Variants in RGS7 observed in about 807,000 individuals in gnomAD.
RGS7 encodes the protein regulator of G-protein signaling 7.
RGS7 carries 27 observed loss-of-function variants against 81.1 expected under a neutral mutation model. That is an observed-to-expected ratio of 0.33 (90% CI 0.25 to 0.46). The LOEUF is 0.46. Ranked by LOEUF, RGS7 falls within the 20% of genes least tolerant of loss-of-function variation. The probability of loss-of-function intolerance (pLI) is 1.00; values close to 1 mark genes in which losing one functional copy is unlikely to be tolerated. For missense variants in RGS7, 396 were observed against 607.4 expected (o/e 0.65, Z 3.66); for synonymous variants, 208 against 207.7 (o/e 1.00, Z -0.01).
rs548373635 is a variant in RGS7, at chr1:241,336,868, T to C, written c.78+18831A>G. 2.0e-5 allele frequency among the ~76,000 whole-genome samples: 3 copies of C among 152,314 alleles called. No homozygotes were observed. In the South Asian group the frequency reaches 6.2e-4, roughly 32 times the overall value. On this transcript the variant is annotated intron_variant, in intron 2 of 18. Coordinates refer to ENST00000440928, the MANE Select transcript of RGS7 (RefSeq NM_001364886.1). ...TTCCTGGCACCTTCATATGTGAAGA[T>C]AAAGAGGCTCAGAGAGTTTAAAAGA... is the stretch of plus-strand genomic sequence containing the variant.
intron 14 of RGS7, among the ~76,000 whole-genome samples, chr1:240,809,679 G>C (rs987207783): frequency 2.0e-5 from 3 of 152,140 alleles, no homozygotes; most frequent in African/African-American, 7.2e-5. Context: ...GATGTGTGAT[G>C]ATCAGAAATA....
At chr1:241,053,603 G>T (rs1055290812) in intron 3 of RGS7, among the ~76,000 whole-genome samples, 1 of 152,104 alleles carries the variant, frequency 6.6e-6, no homozygotes, top group Non-Finnish European at 1.5e-5. Context: ...TTAGCAATAA[G>T]GTGCTCACTA....
At chr1:241,214,605 C>G (rs2074441738) in intron 2 of RGS7, among the ~76,000 whole-genome samples, 1 of 152,080 alleles carries the variant, frequency 6.6e-6, no homozygotes, top group Non-Finnish European at 1.5e-5. Context: ...TTCATTTTCT[C>G]TCTTCTCTTC....
chr1:240,942,293 G>A (rs58202545), intron 4 of RGS7, among the ~76,000 whole-genome samples: 3,722 of 152,156 alleles, frequency 0.024, 162 homozygotes, highest in African/African-American at 0.085. Context: ...GTTAGCTCAC[G>A]GTGCTTATAA....
chr1:240,903,927 G>A (rs1464296700), intron 6 of RGS7, among the ~76,000 whole-genome samples: 1 of 152,204 alleles, frequency 6.6e-6, no homozygotes, highest in Non-Finnish European at 1.5e-5. Flanking sequence ...CTCACCAGAA[G>A]CAGGTGCTGG....
chr1:240,996,779 T>G (rs1305173148), intron 3 of RGS7, among the ~76,000 whole-genome samples: 1 of 152,218 alleles, frequency 6.6e-6, no homozygotes, highest in Non-Finnish European at 1.5e-5. Flanking sequence ...AATAGTATAT[T>G]TAAGTAATTA....
intron 2 of RGS7, among the ~76,000 whole-genome samples, chr1:241,179,188 G>A (rs1434955428): frequency 1.3e-5 from 2 of 152,120 alleles, no homozygotes; most frequent in Admixed American, 6.6e-5. Context: ...TCCACCTCCC[G>A]GGTTCAAGCA....
intron 2 of RGS7, among the ~76,000 whole-genome samples, chr1:241,115,430 T>C (rs944645787): frequency 6.6e-5 from 10 of 152,186 alleles, no homozygotes; most frequent in Admixed American, 2.6e-4. Flanking sequence ...ATTACATGAT[T>C]TCTTTCAGGA....
chr1:240,988,942 G>A (rs75813712), intron 3 of RGS7, among the ~76,000 whole-genome samples: 1,781 of 152,112 alleles, frequency 0.012, 23 homozygotes, highest in Non-Finnish European at 0.016. Flanking sequence ...CATTAACACC[G>A]GACAAGGCCA....
At chr1:241,080,553 T>A (rs1434610106) in intron 3 of RGS7, among the ~76,000 whole-genome samples, 1 of 152,166 alleles carries the variant, frequency 6.6e-6, no homozygotes, top group African/African-American at 2.4e-5. Context: ...TCATTAATAA[T>A]AATGGTAAAA....
intron 4 of RGS7, among the ~76,000 whole-genome samples, chr1:240,961,577 A>G (rs1031771656): frequency 2.6e-5 from 4 of 152,176 alleles, no homozygotes; most frequent in African/African-American, 7.2e-5. Flanking sequence ...ATGTGTAGCA[A>G]TTTGCTACCT....
At chr1:241,047,114 T>C (rs146013632) in intron 3 of RGS7, among the ~76,000 whole-genome samples, 2,117 of 152,284 alleles carry the variant, frequency 0.014, 44 homozygotes, top group African/African-American at 0.048. Context: ...TAATTACCTT[T>C]TGGCCAGGGC....
At position 240,944,282 on chromosome 1, in the gene RGS7, GTATATATATATATATATATATATA is replaced by G. The variant is rs760788169; in HGVS notation, c.227-7600_227-7577del. ...TATATGTGTGTGTGTGTGTGTGTGT[GTATATATATATATATATATATATA>G]TATATATATATATATATATATATAT... On this transcript the variant is annotated intron_variant, in intron 4 of 18. Transcript: ENST00000440928. Among the ~76,000 whole-genome samples, 211 of 55,832 alleles carry G rather than the reference GTATATATATATATATATATATATA, an allele frequency of 3.8e-3. 8 individuals are homozygous for G. The highest frequency in any genetic ancestry group is 0.015 in the African/African-American group (174 of 11,764). 36.6% of individuals were successfully genotyped at this position (55,832 alleles called of 152,430 possible).
At chr1:241,310,576 G>A (rs371489916) in intron 2 of RGS7, among the ~76,000 whole-genome samples, 2 of 148,198 alleles carry the variant, frequency 1.3e-5, no homozygotes, top group African/African-American at 5.0e-5. Flanking sequence ...TTTAAACAAT[G>A]TACTGCCCAC....
chr1:240,971,186 C>T (rs924156815), intron 4 of RGS7, among the ~76,000 whole-genome samples: 2 of 152,068 alleles, frequency 1.3e-5, no homozygotes, highest in African/African-American at 4.8e-5. Flanking sequence ...CCATGTGAGG[C>T]CACAGCGAGA....
chr1:241,132,034 T>C (rs2067135281), intron 2 of RGS7, among the ~76,000 whole-genome samples: 1 of 152,106 alleles, frequency 6.6e-6, no homozygotes, highest in Admixed American at 6.5e-5. Context: ...GAAAGAGTGG[T>C]AGTCTATTCA....
intron 10 of RGS7, chr1:240,823,528 A>AGGGGT (rs1164827277): frequency 5.6e-6 from 1 of 177,698 alleles, no homozygotes; most frequent in Non-Finnish European, 1.2e-5. Flanking sequence ...TGGATCAGCA[A>AGGGGT]GGGGTGGGGT....
intron 2 of RGS7, among the ~76,000 whole-genome samples, chr1:241,314,772 A>G (rs2080765329): frequency 6.6e-6 from 1 of 152,208 alleles, no homozygotes; most frequent in Non-Finnish European, 1.5e-5. Flanking sequence ...TTGTAGGCCA[A>G]AGGAAGGGGA....
intron 4 of RGS7, among the ~76,000 whole-genome samples, chr1:240,955,551 C>CAA (rs369155474): frequency 2.0e-4 from 28 of 140,296 alleles, no homozygotes; most frequent in Non-Finnish European, 2.9e-4. Flanking sequence ...GACTCTGTCT[C>CAA]AAAAAAAAAA....
Sources: allele counts gnomAD v4.1 joint callset (sites outside exome capture counted in the v4.1 genomes callset), GRCh38; gene constraint gnomAD v4.1.1; transcripts MANE v1.5; gene names NCBI Gene and HGNC (gene_info 2026-07-23, HGNC 2026-07-21).